RREB1: variants seen among roughly 807,000 people sequenced by gnomAD.
The protein encoded by RREB1 is ras responsive element binding protein 1.
In RREB1, 27 loss-of-function variants were observed where a neutral mutation model predicts 117.8. The observed-to-expected ratio is 0.23, with a 90% CI of 0.17 to 0.32. The LOEUF (loss-of-function observed/expected upper bound fraction) is 0.32, where lower values mean the gene tolerates loss of function less well. RREB1 is among the 10% of genes least tolerant of loss of function. RREB1 has a pLI of 1.00. For missense variants in RREB1, 2,577 were observed against 2,378.2 expected, an observed-to-expected ratio of 1.08 and a Z score of -1.74; for synonymous variants, 1,298 against 1,026.7, an observed-to-expected ratio of 1.26 and a Z score of -5.05.
At chr6:7,108,885 C>T (rs1277927468) in intron 1 of RREB1, among the ~76,000 whole-genome samples, 1 of 151,410 alleles carries the variant, frequency 6.6e-6, no homozygotes, top group Non-Finnish European at 1.5e-5. Context: ...CGTGGTCACG[C>T]CGACCACCGC....
intron 6 of RREB1, among the ~76,000 whole-genome samples, chr6:7,205,253 TC>T (rs958976266): frequency 6.6e-6 from 1 of 152,164 alleles, no homozygotes; most frequent in Non-Finnish European, 1.5e-5. Flanking sequence ...GGGATGGGAC[TC>T]GGGGGTTTTT....
At chr6:7,207,147 A>G (rs1244139563) in intron 6 of RREB1, among the ~76,000 whole-genome samples, 1 of 152,224 alleles carries the variant, frequency 6.6e-6, no homozygotes, top group African/African-American at 2.4e-5. Flanking sequence ...TGCCATTGCT[A>G]GTGTTTGTGC....
chr6:7,165,017 A>G (rs1763853700), intron 1 of RREB1, among the ~76,000 whole-genome samples: 2 of 152,240 alleles, frequency 1.3e-5, no homozygotes, highest in Non-Finnish European at 2.9e-5. Flanking sequence ...TTTGCAGCAG[A>G]CAGAAAGCAA....
chr6:7,126,188 G>A (rs1554115528), intron 1 of RREB1, among the ~76,000 whole-genome samples: 1 of 152,072 alleles, frequency 6.6e-6, no homozygotes, highest in Non-Finnish European at 1.5e-5. Flanking sequence ...TTTTAGTAGA[G>A]GCTGGGTTTC....
At chr6:7,162,815 T>C (rs1421013892) in intron 1 of RREB1, among the ~76,000 whole-genome samples, 2 of 152,026 alleles carry the variant, frequency 1.3e-5, no homozygotes, top group African/African-American at 4.8e-5. Context: ...AGTAGACTGC[T>C]CCCCTTTATT....
intron 1 of RREB1, among the ~76,000 whole-genome samples, chr6:7,132,473 G>A (rs1762194576): frequency 6.6e-6 from 1 of 152,158 alleles, no homozygotes; most frequent in East Asian, 1.9e-4. Context: ...GCCACTTTTT[G>A]TTCTTTTTAA....
chr6:7,230,721 C>T lies in RREB1; in HGVS notation c.2622C>T (p.Pro874=). The T allele has an allele frequency of 6.3e-7, 1 of 1,598,800 alleles. No individual in the cohort carries two copies. The highest frequency in any genetic ancestry group is 8.5e-7 in the Non-Finnish European group (1 of 1,171,600). The change falls in exon 10 of 13, where the codon CCC becomes CCT. Residue 874 remains proline, a synonymous_variant. Transcript: ENST00000379938. The stretch of plus-strand genomic sequence containing the variant: ...AGAACGGCTTTCTTCACAGGGGCCC[C>T]ACCCAGCCTCCACCTCCCCATGTCT... The part of the protein sequence containing the change: ...EPQNGFLHRG[P]TQPPPPHVSI...
chr6:7,146,999 GGTCTCCA>G (rs2113410481), intron 1 of RREB1, among the ~76,000 whole-genome samples: 2 of 152,236 alleles, frequency 1.3e-5, no homozygotes, highest in African/African-American at 2.4e-5. Context: ...TGTAGTTTAT[GGTCTCCA>G]GTCTCCAGCT....
At chr6:7,237,972 G>A (rs1226216571) in intron 10 of RREB1, among the ~76,000 whole-genome samples, 2 of 152,188 alleles carry the variant, frequency 1.3e-5, no homozygotes, top group African/African-American at 4.8e-5. Flanking sequence ...CAACTGTAAA[G>A]GTGACGCACT....
intron 1 of RREB1, among the ~76,000 whole-genome samples, chr6:7,170,136 T>C (rs1033531108): frequency 6.6e-6 from 1 of 152,216 alleles, no homozygotes; most frequent in African/African-American, 2.4e-5. Context: ...TAGCTTGTGT[T>C]ATTTCTAATA....
At chr6:7,175,775 G>C (rs984997838) in intron 1 of RREB1, among the ~76,000 whole-genome samples, 4 of 152,168 alleles carry the variant, frequency 2.6e-5, no homozygotes, top group Admixed American at 6.5e-5. Context: ...TGTAATTTGA[G>C]ATGTTTTCTG....
intron 9 of RREB1, among the ~76,000 whole-genome samples, chr6:7,227,066 C>G (rs1767625083): frequency 6.6e-6 from 1 of 152,042 alleles, no homozygotes; most frequent in Non-Finnish European, 1.5e-5. Context: ...CACAGCAAGA[C>G]TTTATCTCTA....
At chr6:7,182,351 A>G (rs1764853703) in intron 4 of RREB1, among the ~76,000 whole-genome samples, 1 of 152,098 alleles carries the variant, frequency 6.6e-6, no homozygotes, top group Non-Finnish European at 1.5e-5. Context: ...AGCTTTCTTC[A>G]CTTGATGGCC....
chr6:7,150,988 T>A (rs1431020847), intron 1 of RREB1, among the ~76,000 whole-genome samples: 2 of 152,140 alleles, frequency 1.3e-5, no homozygotes, highest in African/African-American at 4.8e-5. Context: ...GAGATCAGCC[T>A]CCATGCATCA....
rs773877563 is a variant in RREB1, at chr6:7,230,408, T to C, written c.2309T>C (p.Ile770Thr). The C allele has an allele frequency of 6.3e-7, 1 of 1,590,824 alleles. No individual in the cohort carries two copies. Among genetic ancestry groups the C allele is most frequent in the South Asian group, 1.1e-5 (1 of 90,390 alleles). Residue 770 changes from isoleucine (I) to threonine (T), a missense_variant, in exon 10 of 13, where the codon ATC becomes ACC. Transcript: ENST00000379938. ...CTCAAGCACTATCGTGCCCTGCGCA[T>C]CCACATGCGCACGCACTGCGGCCGC... ...EDLKHYRALR[I>T]HMRTHCGRGL...
At position 7,119,150 on chromosome 6, in the gene RREB1, A is replaced by T. The variant is rs1761551496; in HGVS notation, c.-285+11090A>T. 2.0e-5 allele frequency among the ~76,000 whole-genome samples: 3 copies of T among 152,036 alleles called. No homozygotes were observed. In the South Asian group the frequency reaches 6.2e-4, roughly 31 times the overall value. Reference sequence around the variant, plus strand: ...ACGCCTGTAATCCCAGCACTTTGGGAGACCAGCCTGGCTAGTATGGTGAAA... The same window carrying T: ...ACGCCTGTAATCCCAGCACTTTGGGTGACCAGCCTGGCTAGTATGGTGAAA... On this transcript the variant is annotated intron_variant, in intron 1 of 12. Transcript: ENST00000379938.
intron 11 of RREB1, among the ~76,000 whole-genome samples, chr6:7,244,149 G>C (rs1768876007): frequency 6.6e-6 from 1 of 151,862 alleles, no homozygotes; most frequent in African/African-American, 2.4e-5. Flanking sequence ...TGTAATCCCA[G>C]CTACTTGGGA....
chr6:7,152,160 ATAAGTCCAC>A (rs1763153539), intron 1 of RREB1, among the ~76,000 whole-genome samples: 1 of 152,236 alleles, frequency 6.6e-6, no homozygotes, highest in Non-Finnish European at 1.5e-5. Context: ...AGCTGTGTGT[ATAAGTCCAC>A]TTGGTATCTA....
intron 1 of RREB1, among the ~76,000 whole-genome samples, chr6:7,125,773 G>T (rs917703904): frequency 2.0e-5 from 3 of 152,042 alleles, no homozygotes; most frequent in Non-Finnish European, 4.4e-5. Flanking sequence ...TTTCTTTGTT[G>T]TTTTACTTTT....
Sources: allele counts gnomAD v4.1 joint callset (sites outside exome capture counted in the v4.1 genomes callset), GRCh38; gene constraint gnomAD v4.1.1; transcripts MANE v1.5; gene names NCBI Gene and HGNC (gene_info 2026-07-23, HGNC 2026-07-21).